Variants in MAPK8IP1 observed in about 807,000 individuals in gnomAD.
MAPK8IP1 encodes mitogen-activated protein kinase 8 interacting protein 1.
MAPK8IP1 carries 17 observed loss-of-function variants against 72.6 expected under a neutral mutation model. The ratio of observed to expected loss-of-function variants is 0.23; its 90% CI spans 0.16 to 0.35. The LOEUF is 0.35. Among genes scored for constraint, MAPK8IP1 ranks in the 10% least tolerant of loss-of-function variants. MAPK8IP1 has a pLI of 1.00. For synonymous variants in MAPK8IP1, 401 were observed against 443.4 expected, an observed-to-expected ratio of 0.90 and a Z score of 1.20; for missense variants, 789 against 1,009.7, an observed-to-expected ratio of 0.78 and a Z score of 2.96.
chr11:45,905,049 G>A lies in MAPK8IP1; in HGVS notation c.1964+8G>A, dbSNP rs1259543466. Reference sequence around the variant, plus strand: ...TCATCCAAAGAACAACAAGTAAGTGGGGGTGGGATGGCAGTGGAGGAGGCA... The same window carrying A: ...TCATCCAAAGAACAACAAGTAAGTGAGGGTGGGATGGCAGTGGAGGAGGCA... On this transcript the variant is annotated splice_region_variant and intron_variant, in intron 10 of 11. Transcript: ENST00000241014. 2 of 1,614,100 alleles carry A rather than the reference G, an allele frequency of 1.2e-6. No individual in the cohort carries two copies. The highest frequency in any genetic ancestry group is 1.7e-6 in the Non-Finnish European group (2 of 1,180,016).
chr11:45,902,438 C>A lies in MAPK8IP1; in HGVS notation c.671C>A (p.Ala224Asp). The change falls in exon 5 of 12, where the codon GCC (alanine) becomes GAC (aspartate). Residue 224 changes from alanine (A) to aspartate (D), a missense_variant. Physicochemically the swap from Ala to Asp is moderately radical, Grantham distance 126 (BLOSUM62 -2). Transcript: ENST00000241014. This position sits in a 1 kb window ranked among gnomAD's most constrained non-coding sequence, Gnocchi z 9.3. ...SDELPPQSGP[A>D]PTTDRGTSTD... is the part of the protein sequence containing the mutation. Reference sequence around the variant, plus strand: ...GAGCTGCCCCCCCAGAGCGGCCCCGCCCCCACCACAGATCGAGGCACCTCC... The same window carrying A: ...GAGCTGCCCCCCCAGAGCGGCCCCGACCCCACCACAGATCGAGGCACCTCC... The A allele has an allele frequency of 6.3e-7, 1 of 1,592,722 alleles. No individual in the cohort carries two copies. Among genetic ancestry groups the A allele is most frequent in the Non-Finnish European group, 8.5e-7 (1 of 1,170,684 alleles).
intron 1 of MAPK8IP1, among the ~76,000 whole-genome samples, chr11:45,889,643 T>C (rs946654891): frequency 7.9e-5 from 12 of 151,724 alleles, no homozygotes; most frequent in Non-Finnish European, 1.5e-4. Context: ...GAATCGTGGA[T>C]CTGAGAGACC....
Position 45,890,984 on chromosome 11 carries a change from C to T in MAPK8IP1, c.101+5063C>T, listed in dbSNP as rs141385022. Among the ~76,000 whole-genome samples the T allele has an allele frequency of 1.6e-3, 238 of 152,188 alleles. 2 individuals are homozygous for T. Among genetic ancestry groups the T allele is most frequent in the Middle Eastern group, 0.014 (4 of 294 alleles). On this transcript the variant is annotated intron_variant, in intron 1 of 11. Coordinates refer to ENST00000241014, the MANE Select transcript of MAPK8IP1 (RefSeq NM_005456.4). ...GTGGCCTGTTCAGCCAACCATGTTT[C>T]GGTGGAGGTGGGGAGGTGCTGCTGG...
intron 1 of MAPK8IP1, among the ~76,000 whole-genome samples, chr11:45,888,902 G>A (rs1259637263): frequency 6.6e-6 from 1 of 152,010 alleles, no homozygotes; most frequent in Non-Finnish European, 1.5e-5. Flanking sequence ...GTTTCAACAT[G>A]TTGGCCAGGC....
intron 3 of MAPK8IP1, 120 bp from the exon 4 acceptor site, chr11:45,901,860 G>A (rs1361061354): frequency 5.0e-6 from 4 of 807,594 alleles, no homozygotes; most frequent in African/African-American, 1.7e-5. Flanking sequence ...CTTTGACAGT[G>A]GAGGCGGGGT....
chr11:45,900,095 C>CGCCCCG lies in MAPK8IP1; in HGVS notation c.208-36_208-31dup, dbSNP rs1462315184. On this transcript the variant is annotated intron_variant, in intron 2 of 11. Transcript: ENST00000241014. This position sits in a 1 kb window ranked among gnomAD's most constrained non-coding sequence, Gnocchi z 6.5. ...GGGGCGGTGCAAGCGGCCTCGGCCC[C>CGCCCCG]GCCCCGGCCCCGCCCCCTGACGCCC... 1 of 1,158,748 alleles carries CGCCCCG rather than the reference C, an allele frequency of 8.6e-7. No homozygotes were observed. Among genetic ancestry groups the CGCCCCG allele is most frequent in the African/African-American group, 1.6e-5 (1 of 61,798 alleles). The allele number at this position is 1,158,748 out of a possible 1,614,324, so 71.8% of individuals were successfully genotyped here.
At chr11:45,887,999 G>A (rs1474457093) in intron 1 of MAPK8IP1, among the ~76,000 whole-genome samples, 1 of 152,206 alleles carries the variant, frequency 6.6e-6, no homozygotes, top group Non-Finnish European at 1.5e-5. Context: ...ATCCTGGCTG[G>A]CCCTTCTTAC....
In MAPK8IP1 at chr11:45,885,929, T is replaced by G; in HGVS notation, c.101+8T>G. 3 of 1,461,688 alleles carry G rather than the reference T, an allele frequency of 2.1e-6. No individual in the cohort carries two copies. Among genetic ancestry groups the G allele is most frequent in the Admixed American group, 2.4e-5 (1 of 41,932 alleles). The allele number at this position is 1,461,688 out of a possible 1,614,324, so 90.5% of individuals were successfully genotyped here. A position where few individuals can be genotyped will look rare whatever the true frequency, so the allele number is the denominator to read the frequency against. Reference sequence around the variant, plus strand: ...TTCGCCTCCCAATTTCAGGTGAGAGTCCCCGGCCGCCGCGCGCCTCGCCCT... The same window carrying G: ...TTCGCCTCCCAATTTCAGGTGAGAGGCCCCGGCCGCCGCGCGCCTCGCCCT... On this transcript the variant is annotated splice_region_variant and intron_variant, in intron 1 of 11. Transcript: ENST00000241014.
Position 45,902,787 on chromosome 11 carries a change from G to A in MAPK8IP1, c.1020G>A (p.Ser340=), listed in dbSNP as rs201203236. 1.1e-4 allele frequency: 169 copies of A among 1,593,456 alleles called. No homozygotes were observed. The highest frequency in any genetic ancestry group is 6.6e-4 in the Middle Eastern group (4 of 6,032). The change falls in exon 5 of 12, where the codon TCG becomes TCA. Residue 340 remains serine, a synonymous_variant. Transcript: ENST00000241014. This position sits in a 1 kb window ranked among gnomAD's most constrained non-coding sequence, Gnocchi z 9.3. ...AGGAAGAGGGCTTCGACTGCCTGTC[G>A]TCCCCAGAGCGGGCTGAGCCCCCAG... is the stretch of plus-strand genomic sequence containing the variant. ...SEEEEGFDCL[S]SPERAEPPGG... is the part of the protein sequence containing the mutation.
chr11:45,896,976 G>A (rs1347446297), intron 1 of MAPK8IP1: 2 of 1,556,946 alleles, frequency 1.3e-6, no homozygotes, highest in African/African-American at 2.7e-5. Flanking sequence ...GCTGGCGGGG[G>A]TGGAGACCGA....
At chr11:45,895,728 C>A (rs2086600450) in intron 1 of MAPK8IP1, among the ~76,000 whole-genome samples, 1 of 151,390 alleles carries the variant, frequency 6.6e-6, no homozygotes, top group Non-Finnish European at 1.5e-5. Flanking sequence ...CTGCAGCTCT[C>A]CCATGCCATC....
At chr11:45,898,724 C>A (rs1298269240) in intron 2 of MAPK8IP1, among the ~76,000 whole-genome samples, 1 of 152,216 alleles carries the variant, frequency 6.6e-6, no homozygotes, top group Non-Finnish European at 1.5e-5. Context: ...TAAAGGCCCC[C>A]ACTGAGGGGT....
intron 1 of MAPK8IP1, among the ~76,000 whole-genome samples, chr11:45,892,562 T>G (rs1462735246): frequency 6.6e-6 from 1 of 152,022 alleles, no homozygotes; most frequent in Non-Finnish European, 1.5e-5. Flanking sequence ...CGAGAGCCCA[T>G]AGCAGGGCGG....
Position 45,904,584 on chromosome 11 carries a change from TCTC to T in MAPK8IP1, c.1776+25_1776+27del, listed in dbSNP as rs776972666. ...CAAAAGGTACCTGAGCCCTCTCCCT[TCTC>T]CTCCCTTGGATGGGTCCCTGGGGCA... On this transcript the variant is annotated intron_variant, in intron 8 of 11. Transcript: ENST00000241014. The surrounding 1 kb of genome is among the most constrained non-coding windows in gnomAD (Gnocchi z 6.4). The T allele has an allele frequency of 3.6e-5, 58 of 1,611,082 alleles. No homozygotes were observed. Among genetic ancestry groups the T allele is most frequent in the Non-Finnish European group, 4.4e-5 (52 of 1,177,444 alleles).
chr11:45,899,768 C>T (rs182299207), intron 2 of MAPK8IP1, among the ~76,000 whole-genome samples: 99 of 152,320 alleles, frequency 6.5e-4, no homozygotes, highest in East Asian at 4.8e-3. Flanking sequence ...CATCCCTTGC[C>T]CACCCCACCC....
rs769148034 is a variant in MAPK8IP1 at position 45,898,177 on chromosome 11, C to T, written c.194C>T (p.Thr65Ile). The part of the protein sequence containing the change: ...ECGISLQCKD[T>I]LSLRPPRAGL... ...GGCATCAGCTTACAGTGCAAAGACA[C>T]CCTGTCCTTACGGGTAAGGGCAAGC... Residue 65 changes from threonine (T) to isoleucine (I), a missense_variant, in exon 2 of 12, where the codon ACC becomes ATC. Coordinates refer to ENST00000241014, the MANE Select transcript of MAPK8IP1 (RefSeq NM_005456.4). The T allele has an allele frequency of 2.0e-5, 32 of 1,612,886 alleles. No individual in the cohort carries two copies. The highest frequency in any genetic ancestry group is 2.7e-5 in the Non-Finnish European group (32 of 1,179,304).
Position 45,885,862 on chromosome 11 carries a change from G to A in MAPK8IP1, c.42G>A (p.Ala14=). 6.9e-7 allele frequency: 1 copy of A among 1,454,898 alleles called. No individual in the cohort carries two copies. The highest frequency in any genetic ancestry group is 9.1e-7 in the Non-Finnish European group (1 of 1,099,804). The allele number at this position is 1,454,898 out of a possible 1,614,324, so 90.1% of individuals were successfully genotyped here. A position where few individuals can be genotyped will look rare whatever the true frequency, so the allele number is the denominator to read the frequency against. Residue 14 remains alanine (A), a synonymous_variant, in exon 1 of 12, where the codon GCG becomes GCA. Coordinates refer to ENST00000241014, the MANE Select transcript of MAPK8IP1 (RefSeq NM_005456.4). ...GCGGCGGCCTGGGAGGGGGGGCCGC[G>A]TCCCCGCCCGCCGCCTCCCCGTTCC... ...RESGGLGGGA[A]SPPAASPFLG...
chr11:45,905,698 A>T lies in MAPK8IP1; in HGVS notation c.2113A>T (p.Thr705Ser). Reference protein sequence around the residue: ...YKQFVEYTCPTEDIYLE With the variant: ...YKQFVEYTCPSEDIYLE ...GCAGTTTGTGGAGTACACCTGCCCC[A>T]CAGAAGATATCTACCTGGAGTAGCT... The change falls in exon 12 of 12, where the codon ACA becomes TCA. Residue 705 changes from threonine to serine, a missense_variant. By Grantham distance (58) the Thr-to-Ser change is moderately conservative (BLOSUM62 1). This residue lies in a region of MAPK8IP1 where 188 missense variants were observed against 293.3 expected (regional missense o/e 0.64). Transcript: ENST00000241014. 6.2e-7 allele frequency: 1 copy of T among 1,613,814 alleles called. No individual in the cohort carries two copies.
intron 1 of MAPK8IP1, among the ~76,000 whole-genome samples, chr11:45,895,562 G>C (rs182923418): frequency 6.6e-6 from 1 of 150,792 alleles, no homozygotes; most frequent in Non-Finnish European, 1.5e-5. Flanking sequence ...AGAGGCTGCG[G>C]TGAGCCAAGA....
Sources: allele counts gnomAD v4.1 joint callset (sites outside exome capture counted in the v4.1 genomes callset), GRCh38; gene constraint gnomAD v4.1.1; regional missense constraint gnomAD v4.1.1; non-coding constraint Gnocchi (gnomAD v3.1); transcripts MANE v1.5; gene names NCBI Gene and HGNC (gene_info 2026-07-23, HGNC 2026-07-21).